The following MRM1 variants were observed in gnomAD, a reference collection of about 807,000 sequenced individuals.
MRM1 encodes the protein rRNA methyltransferase 1, mitochondrial.
Under a neutral mutation model 25.0 loss-of-function variants are expected in MRM1, and 24 were observed. That is an observed-to-expected ratio of 0.96 (90% CI 0.69 to 1.35). The LOEUF is 1.35. Ranked by LOEUF, MRM1 falls within the 40% of genes most tolerant of loss-of-function variation. The pLI is 0.00. For synonymous variants in MRM1, 188 were observed against 199.2 expected, an observed-to-expected ratio of 0.94 and a Z score of 0.47; for missense variants, 431 against 464.1, an observed-to-expected ratio of 0.93 and a Z score of 0.65.
At chr17:36,621,623 A>T in the MRM1 span, among the ~76,000 whole-genome samples, 1 of 152,102 alleles carries the variant, frequency 6.6e-6, no homozygotes, top group African/African-American at 2.4e-5. Flanking sequence ...ATTAAAGGCC[A>T]TCGATTTTCT....
chr17:36,631,992 A>C, the MRM1 span, among the ~76,000 whole-genome samples: 1 of 152,010 alleles, frequency 6.6e-6, no homozygotes, highest in Admixed American at 6.5e-5. Context: ...CTACAGAACA[A>C]CCCAGGGAAA....
chr17:36,631,432 T>C, the MRM1 span, among the ~76,000 whole-genome samples: 2 of 152,272 alleles, frequency 1.3e-5, no homozygotes, highest in Non-Finnish European at 1.5e-5. Flanking sequence ...CCCCAGCATT[T>C]GTGCTCCATC....
At chr17:36,607,492 G>A (rs1461491000) in intron 2 of MRM1, among the ~76,000 whole-genome samples, 178 bp from the exon 3 acceptor site, 4 of 151,746 alleles carry the variant, frequency 2.6e-5, no homozygotes, top group Non-Finnish European at 2.9e-5. Context: ...GTGGGGTGGC[G>A]AGTGCCTGTA....
the MRM1 span, among the ~76,000 whole-genome samples, chr17:36,631,454 T>C: frequency 6.6e-6 from 1 of 152,184 alleles, no homozygotes; most frequent in Non-Finnish European, 1.5e-5. Flanking sequence ...TTCCTGCGGG[T>C]TTGTGTCCCT....
chr17:36,629,338 G>T, the MRM1 span, among the ~76,000 whole-genome samples: 3 of 152,136 alleles, frequency 2.0e-5, no homozygotes, highest in Admixed American at 2.0e-4. Context: ...TAGATTTGGC[G>T]CCCTCTGTGA....
At chr17:36,608,046 C>G (rs771531040) in intron 4 of MRM1, 28 bp downstream of exon 4, 3 of 1,611,078 alleles carry the variant, frequency 1.9e-6, no homozygotes, top group Non-Finnish European at 1.7e-6. Context: ...TCCCTTTCCT[C>G]TATCCCTCTA....
the MRM1 span, among the ~76,000 whole-genome samples, chr17:36,618,540 T>C: frequency 6.6e-6 from 1 of 151,694 alleles, no homozygotes; most frequent in African/African-American, 2.4e-5. Flanking sequence ...TGGGTAGGAG[T>C]GTGCCTGGTG....
Position 36,603,135 on chromosome 17 carries a change from A to G in MRM1, c.636+489A>G. 4 of 985,292 alleles carry G rather than the reference A, an allele frequency of 4.1e-6. No individual in the cohort carries two copies. In the South Asian group the frequency reaches 1.9e-4, roughly 46 times the overall value. 61.0% of individuals were successfully genotyped at this position (985,292 alleles called of 1,614,324 possible). ...CCCTTGCTGGACACAAGGAGGCAGT[A>G]TTGCTCTGCATATGGAATCCCCTCT... On this transcript the variant is annotated intron_variant, in intron 2 of 4. Coordinates refer to ENST00000614766, the MANE Select transcript of MRM1 (RefSeq NM_024864.5).
rs564063565 is a variant in MRM1 at position 36,603,381 on chromosome 17, A to G, written c.636+735A>G. ...ATATCCAAAATAATATCAATTTAAC[A>G]TGTAATCATTTTAATTATTATTAAT... On this transcript the variant is annotated intron_variant, in intron 2 of 4. Transcript: ENST00000614766. 1.8e-3 allele frequency: 322 copies of G among 179,242 alleles called. 1 individual carries two copies. Among genetic ancestry groups the G allele is most frequent in the Non-Finnish European group, 2.4e-3 (223 of 92,762 alleles). The allele number at this position is 179,242 out of a possible 1,614,324, so 11.1% of individuals were successfully genotyped here. A position where few individuals can be genotyped will look rare whatever the true frequency, so the allele number is the denominator to read the frequency against.
intron 2 of MRM1, among the ~76,000 whole-genome samples, chr17:36,607,289 G>C (rs924185576): frequency 6.6e-6 from 1 of 152,172 alleles, no homozygotes; most frequent in Non-Finnish European, 1.5e-5. Flanking sequence ...TTACAGGCTT[G>C]AGCCACTGCA....
In MRM1 at chr17:36,601,766, C is replaced by T. The variant is rs1312250532; in HGVS notation, c.-45C>T. 20 of 1,500,214 alleles carry T rather than the reference C, an allele frequency of 1.3e-5. No individual in the cohort carries two copies. The South Asian group carries it at 2.6e-4, about 20-fold the overall frequency. The allele number at this position is 1,500,214 out of a possible 1,614,324, so 92.9% of individuals were successfully genotyped here. A position where few individuals can be genotyped will look rare whatever the true frequency, so the allele number is the denominator to read the frequency against. On this transcript the variant is annotated 5_prime_UTR_variant, in exon 1 of 5. Coordinates refer to ENST00000614766, the MANE Select transcript of MRM1 (RefSeq NM_024864.5). ...GAACTGCGGCGCGGGTTACCGCTCCCGGGGACGCAGCAAGGGGCATCGAGT... is the reference window on the plus strand; with the variant it reads ...GAACTGCGGCGCGGGTTACCGCTCCTGGGGACGCAGCAAGGGGCATCGAGT...
At chr17:36,630,015 G>T in the MRM1 span, among the ~76,000 whole-genome samples, 1 of 152,180 alleles carries the variant, frequency 6.6e-6, no homozygotes, top group African/African-American at 2.4e-5. Context: ...GGACCTAAAG[G>T]CCTCAGGTTT....
At chr17:36,612,060 G>C (rs1210620893), downstream of MRM1, among the ~76,000 whole-genome samples, 1 of 152,152 alleles carries the variant, frequency 6.6e-6, no homozygotes, top group Non-Finnish European at 1.5e-5. Context: ...TTGCTCTCTA[G>C]AACCAAGCCC....
At chr17:36,604,347 C>T (rs1237078646) in intron 2 of MRM1, among the ~76,000 whole-genome samples, 2 of 152,208 alleles carry the variant, frequency 1.3e-5, no homozygotes, top group Non-Finnish European at 2.9e-5. Flanking sequence ...CAGCAGCTGG[C>T]ACAGTTGACC....
chr17:36,630,495 G>T, the MRM1 span, among the ~76,000 whole-genome samples: 26 of 152,202 alleles, frequency 1.7e-4, no homozygotes, highest in Non-Finnish European at 3.4e-4. Flanking sequence ...TGTGGGACAA[G>T]AAAGCAGAGG....
the MRM1 span, among the ~76,000 whole-genome samples, chr17:36,615,825 A>G: frequency 6.6e-6 from 1 of 151,894 alleles, no homozygotes; most frequent in Non-Finnish European, 1.5e-5. Context: ...GTGAAACTTC[A>G]TCTCTACTAA....
At chr17:36,617,837 G>A in the MRM1 span, among the ~76,000 whole-genome samples, 1 of 152,144 alleles carries the variant, frequency 6.6e-6, no homozygotes, top group African/African-American at 2.4e-5. Flanking sequence ...CTGTCTGCCT[G>A]CCCTGGCCGG....
At chr17:36,605,895 C>T (rs2074924510) in intron 2 of MRM1, among the ~76,000 whole-genome samples, 1 of 152,086 alleles carries the variant, frequency 6.6e-6, no homozygotes. Flanking sequence ...TTCTTCTGCT[C>T]TTGGCTCTCA....
chr17:36,621,619 G>A, the MRM1 span, among the ~76,000 whole-genome samples: 2 of 152,162 alleles, frequency 1.3e-5, no homozygotes, highest in East Asian at 1.9e-4. Context: ...TCTCATTAAA[G>A]GCCATCGATT....
Sources: gnomAD v4.1 joint callset for allele counts (sites outside exome capture counted in the v4.1 genomes callset) on GRCh38, gnomAD v4.1.1 for gene constraint, MANE v1.5 for transcripts, NCBI Gene and HGNC (gene_info 2026-07-23, HGNC 2026-07-21) for gene names.